Variants in TNFRSF1B observed in about 807,000 individuals in gnomAD.
The protein encoded by TNFRSF1B is TNF receptor superfamily member 1B, also known as tumor necrosis factor receptor superfamily member 1B.
In TNFRSF1B, 19 loss-of-function variants were observed where a neutral mutation model predicts 44.6. The ratio of observed to expected loss-of-function variants is 0.43; its 90% CI spans 0.30 to 0.62. The LOEUF is 0.62. TNFRSF1B is among the 20% of genes least tolerant of loss of function. The pLI, the probability that TNFRSF1B is intolerant of heterozygous loss-of-function variation, is 0.16. For synonymous variants in TNFRSF1B, 252 were observed against 261.1 expected, an observed-to-expected ratio of 0.97 and a Z score of 0.34; for missense variants, 541 against 619.9, an observed-to-expected ratio of 0.87 and a Z score of 1.35.
At chr1:12,197,789 A>T (rs758996667) in intron 8 of TNFRSF1B, among the ~76,000 whole-genome samples, 4 of 152,134 alleles carry the variant, frequency 2.6e-5, no homozygotes, top group Non-Finnish European at 5.9e-5. Context: ...CACAGAAAGA[A>T]CGTCCAGGGC....
intron 3 of TNFRSF1B, 21 bp downstream of exon 3, chr1:12,191,106 A>AG: frequency 1.9e-6 from 3 of 1,609,156 alleles, no homozygotes; most frequent in Non-Finnish European, 2.5e-6. Flanking sequence ...TCAGAGAAAA[A>AG]GGGGGCCCTT....
chr1:12,206,983 C>A lies in TNFRSF1B; in HGVS notation c.1349C>A (p.Pro450His), dbSNP rs1639519333. Residue 450 changes from proline to histidine, a missense_variant, in exon 10 of 10, where the codon CCC becomes CAC. Physicochemically the swap from Pro to His is moderately conservative, Grantham distance 77. Coordinates refer to ENST00000376259, the MANE Select transcript of TNFRSF1B (RefSeq NM_001066.3). ...LLGSTEEKPL[P>H]LGVPDAGMKP... ...GGGAGCACCGAAGAGAAGCCCCTGC[C>A]CCTTGGAGTGCCTGATGCTGGGATG... 2.5e-6 allele frequency: 4 copies of A among 1,601,320 alleles called. No homozygotes were observed. Among genetic ancestry groups the A allele is most frequent in the Non-Finnish European group, 2.6e-6 (3 of 1,170,472 alleles).
At chr1:12,173,934 T>C (rs1014643151) in intron 1 of TNFRSF1B, among the ~76,000 whole-genome samples, 1 of 151,988 alleles carries the variant, frequency 6.6e-6, no homozygotes, top group Non-Finnish European at 1.5e-5. Context: ...GAGGAGGAAG[T>C]GTCTGTTCGC....
chr1:12,174,153 T>TCC lies in TNFRSF1B; in HGVS notation c.78+6984_78+6985insCC, dbSNP rs58899235. Among the ~76,000 whole-genome samples, 214 of 98,306 alleles carry TCC rather than the reference T, an allele frequency of 2.2e-3. 9 individuals carry two copies. The highest frequency in any genetic ancestry group is 0.021 in the Middle Eastern group (4 of 194). The allele number at this position is 98,306 out of a possible 152,430, so 64.5% of individuals were successfully genotyped here. ...CTTCTTCTTCTTCTTCTTCTTCTTC[T>TCC]TCTTCTTCTTCTCCTTCTCCTTCTC... On this transcript the variant is annotated intron_variant, in intron 1 of 9. Coordinates refer to ENST00000376259, the MANE Select transcript of TNFRSF1B (RefSeq NM_001066.3).
At position 12,193,054 on chromosome 1, in the gene TNFRSF1B, G is replaced by GC; in HGVS notation, c.749dup (p.Ala251SerfsTer2). On this transcript the variant is annotated frameshift_variant, in exon 6 of 10. Coordinates refer to ENST00000376259, the MANE Select transcript of TNFRSF1B (RefSeq NM_001066.3). LOFTEE classifies it high-confidence loss of function. ...TCCTTCCTGCTCCCAATGGGCCCCA[G>GC]CCCCCCAGCTGAAGGGAGCACTGGC... 1 of 1,614,128 alleles carries GC rather than the reference G, an allele frequency of 6.2e-7. No individual in the cohort carries two copies. The highest frequency in any genetic ancestry group is 8.5e-7 in the Non-Finnish European group (1 of 1,180,014).
At chr1:12,191,661 C>T (rs1639133871) in intron 3 of TNFRSF1B, 113 bp from the exon 4 acceptor site, 3 of 1,376,016 alleles carry the variant, frequency 2.2e-6, no homozygotes, top group South Asian at 1.3e-5. Flanking sequence ...CATGCTGAGG[C>T]GGTCCGCCAG....
intron 1 of TNFRSF1B, among the ~76,000 whole-genome samples, chr1:12,183,706 A>AGCTAT (rs1557628950): frequency 8.2e-6 from 1 of 121,698 alleles, no homozygotes; most frequent in African/African-American, 3.0e-5. Flanking sequence ...CTATCTATCT[A>AGCTAT]TCTATTCTAT....
intron 1 of TNFRSF1B, among the ~76,000 whole-genome samples, chr1:12,174,351 T>C (rs961795969): frequency 1.8e-4 from 28 of 151,826 alleles, no homozygotes; most frequent in Admixed American, 3.3e-4. Context: ...AGGTTCAAGC[T>C]ATTCTCCAGC....
Position 12,207,154 on chromosome 1 carries a change from G to GC in TNFRSF1B, c.*137dup. 2 of 931,354 alleles carry GC rather than the reference G, an allele frequency of 2.1e-6. No homozygotes were observed. Among genetic ancestry groups the GC allele is most frequent in the Non-Finnish European group, 3.0e-6 (2 of 661,794 alleles). The allele number at this position is 931,354 out of a possible 1,614,324, so 57.7% of individuals were successfully genotyped here. A position where few individuals can be genotyped will look rare whatever the true frequency, so the allele number is the denominator to read the frequency against. Reference sequence around the variant, plus strand: ...TCTTTCTGGGCCAAGTTCCTCTAGTGCCCTCCACAGCCGCAGCCTCCCTCT... The same window carrying GC: ...TCTTTCTGGGCCAAGTTCCTCTAGTGCCCCTCCACAGCCGCAGCCTCCCTCT... On this transcript the variant is annotated 3_prime_UTR_variant, in exon 10 of 10. Coordinates refer to ENST00000376259, the MANE Select transcript of TNFRSF1B (RefSeq NM_001066.3).
At chr1:12,201,815 G>A (rs1299709699) in intron 8 of TNFRSF1B, 152 bp from the exon 9 acceptor site, 15 of 1,117,312 alleles carry the variant, frequency 1.3e-5, no homozygotes, top group Non-Finnish European at 1.9e-5. Context: ...AAAGTGCCGT[G>A]TGTGGAAAGA....
chr1:12,196,190 A>G (rs990113466), intron 8 of TNFRSF1B, among the ~76,000 whole-genome samples: 6 of 152,012 alleles, frequency 3.9e-5, no homozygotes, highest in African/African-American at 1.2e-4. Flanking sequence ...AGTCTCAGCT[A>G]CTCGGGAGGC....
In TNFRSF1B at chr1:12,183,740, T is replaced by C. The variant is rs950730223; in HGVS notation, c.79-5056T>C. 2.3e-3 allele frequency among the ~76,000 whole-genome samples: 301 copies of C among 131,060 alleles called. 1 individual carries two copies. Among genetic ancestry groups the C allele is most frequent in the Middle Eastern group, 4.2e-3 (1 of 238 alleles). The allele number at this position is 131,060 out of a possible 152,430, so 86.0% of individuals were successfully genotyped here. The stretch of plus-strand genomic sequence containing the variant: ...ATCTACCTATCTATCTATCTATCTA[T>C]CTATCTATCTAGCTAGCTAGCTAGC... On this transcript the variant is annotated intron_variant, in intron 1 of 9. Coordinates refer to ENST00000376259, the MANE Select transcript of TNFRSF1B (RefSeq NM_001066.3).
At chr1:12,182,625 G>A (rs772332581) in intron 1 of TNFRSF1B, among the ~76,000 whole-genome samples, 20 of 152,328 alleles carry the variant, frequency 1.3e-4, no homozygotes, top group South Asian at 4.1e-4. Context: ...CATGGACCAC[G>A]GACAAGTGAC....
At position 12,192,414 on chromosome 1, in the gene TNFRSF1B, C is replaced by G. The variant is rs372217736; in HGVS notation, c.458-17C>G. The G allele has an allele frequency of 6.2e-7, 1 of 1,613,328 alleles. No homozygotes were observed. The highest frequency in any genetic ancestry group is 2.2e-5 in the East Asian group (1 of 44,862). On this transcript the variant is annotated splice_polypyrimidine_tract_variant and intron_variant, in intron 4 of 9. Coordinates refer to ENST00000376259, the MANE Select transcript of TNFRSF1B (RefSeq NM_001066.3). ...AGAGTGTCTGAGTGGTTGACAAGTTCGGATTGTTCCCTGAAGGAACTGAAA... is the reference window on the plus strand; with the variant it reads ...AGAGTGTCTGAGTGGTTGACAAGTTGGGATTGTTCCCTGAAGGAACTGAAA...
rs753644221 is a variant in TNFRSF1B, at chr1:12,207,108, C to T, written c.*88C>T. On this transcript the variant is annotated 3_prime_UTR_variant, in exon 10 of 10. Coordinates refer to ENST00000376259, the MANE Select transcript of TNFRSF1B (RefSeq NM_001066.3). ...AAGGGGCCCTGGTCCTTCCAGGCCC[C>T]CACCACTAGGACTCTGAGGCTCTTT... is the stretch of plus-strand genomic sequence containing the variant. The T allele has an allele frequency of 9.2e-5, 129 of 1,403,402 alleles. 1 individual carries two copies. Among genetic ancestry groups the T allele is most frequent in the Non-Finnish European group, 1.1e-4 (117 of 1,051,906 alleles). The allele number at this position is 1,403,402 out of a possible 1,614,324, so 86.9% of individuals were successfully genotyped here.
At position 12,207,015 on chromosome 1, in the gene TNFRSF1B, A is replaced by G; in HGVS notation, c.1381A>G (p.Ser461Gly). 1 of 1,582,716 alleles carries G rather than the reference A, an allele frequency of 6.3e-7. No homozygotes were observed. The highest frequency in any genetic ancestry group is 8.6e-7 in the Non-Finnish European group (1 of 1,158,712). ...AGTGCCTGATGCTGGGATGAAGCCC[A>G]GTTAACCAGGCCGGTGTGGGCTGTG... ...LGVPDAGMKP[S>G] Residue 461 changes from serine (S) to glycine (G), a missense_variant, in exon 10 of 10, where the codon AGT becomes GGT. By Grantham distance (56) the Ser-to-Gly change is moderately conservative (BLOSUM62 0). Transcript: ENST00000376259.
rs761386236 is a variant in TNFRSF1B at position 12,188,813 on chromosome 1, C to T, written c.96C>T (p.Tyr32=). Residue 32 remains tyrosine, a synonymous_variant, in exon 2 of 10, where the codon TAC becomes TAT. Coordinates refer to ENST00000376259, the MANE Select transcript of TNFRSF1B (RefSeq NM_001066.3). ...CCTTCCAGGTGGCATTTACACCCTA[C>T]GCCCCGGAGCCCGGGAGCACATGCC... ...ALPAQVAFTP[Y]APEPGSTCRL... 43 of 1,613,674 alleles carry T rather than the reference C, an allele frequency of 2.7e-5. No homozygotes were observed. Among genetic ancestry groups the T allele is most frequent in the South Asian group, 2.0e-4 (18 of 91,038 alleles).
chr1:12,182,577 A>C (rs914190438), intron 1 of TNFRSF1B, among the ~76,000 whole-genome samples: 7 of 152,170 alleles, frequency 4.6e-5, no homozygotes, highest in Admixed American at 1.3e-4. Flanking sequence ...TGAATGAATG[A>C]ATGAATCACT....
At chr1:12,193,205 C>T (rs757216527) in intron 6 of TNFRSF1B, 107 bp downstream of exon 6, 23 of 1,001,120 alleles carry the variant, frequency 2.3e-5, no homozygotes, top group Non-Finnish European at 1.5e-6. Context: ...GGGGCTGGAC[C>T]CTGTGCCCTG....
Sources: gnomAD v4.1 joint callset for allele counts (sites outside exome capture counted in the v4.1 genomes callset) on GRCh38, gnomAD v4.1.1 for gene constraint, MANE v1.5 for transcripts, NCBI Gene and HGNC (gene_info 2026-07-23, HGNC 2026-07-21) for gene names.